Variants in PITRM1 observed in about 807,000 individuals in gnomAD.
PITRM1 encodes the protein presequence protease, mitochondrial.
A neutral mutation model predicts 129.9 loss-of-function variants in PITRM1; 100 were observed. The observed-to-expected ratio is 0.77, with a 90% confidence interval of 0.65 to 0.91. The LOEUF (loss-of-function observed/expected upper bound fraction) is 0.91. PITRM1 is among the 40% of genes least tolerant of loss of function. The pLI is 0.00. For synonymous variants in PITRM1, 591 were observed against 508.8 expected (o/e 1.16, Z -2.17); for missense variants, 1,471 against 1,318.3 (o/e 1.12, Z -1.79).
At position 3,167,010 on chromosome 10, in the gene PITRM1, T is replaced by C. The variant is rs1455396105; in HGVS notation, c.192A>G (p.Ala64=). The change falls in exon 3 of 27, where the codon GCA becomes GCG. Residue 64 remains alanine (A), a synonymous_variant. Transcript: ENST00000224949. ...VTSVPELFLT[A]VKLTHDDTGA... ...CTGTGTCATCATGGGTGAGCTTCAC[T>C]GCAGTCAGGAACAGCTCGGGAACAG... The C allele has an allele frequency of 3.1e-6, 5 of 1,610,068 alleles. No homozygotes were observed. In the African/African-American group the frequency reaches 5.3e-5, roughly 17 times the overall value.
chr10:3,153,161 AC>A (rs1841667578), intron 14 of PITRM1, among the ~76,000 whole-genome samples: 1 of 152,244 alleles, frequency 6.6e-6, no homozygotes, highest in African/African-American at 2.4e-5. Context: ...AAAGAGCTAC[AC>A]AGCGAGTGTG....
intron 14 of PITRM1, among the ~76,000 whole-genome samples, chr10:3,152,538 C>T (rs1436813786): frequency 6.6e-6 from 1 of 152,220 alleles, no homozygotes; most frequent in Non-Finnish European, 1.5e-5. Flanking sequence ...CCACTGTGGG[C>T]TCCAGCCCTT....
At chr10:3,172,482 G>GCCCGGCC (rs995181377) in intron 1 of PITRM1, among the ~76,000 whole-genome samples, 18 of 152,240 alleles carry the variant, frequency 1.2e-4, no homozygotes, top group Admixed American at 8.5e-4. Context: ...CCGCGGGCAG[G>GCCCGGCC]CCCGGCCCCC....
chr10:3,170,693 A>G (rs751201264), intron 1 of PITRM1, among the ~76,000 whole-genome samples: 5 of 152,232 alleles, frequency 3.3e-5, no homozygotes, highest in Non-Finnish European at 7.3e-5. Flanking sequence ...AGCACTTGGC[A>G]TTCTTTAGAA....
chr10:3,159,964 G>C, intron 8 of PITRM1, 28 bp from the exon 9 acceptor site: 1 of 1,496,020 alleles, frequency 6.7e-7, no homozygotes, highest in Non-Finnish European at 9.2e-7. Flanking sequence ...GTTGTGAGTA[G>C]GCACAGTGTC....
chr10:3,147,865 A>G, intron 18 of PITRM1, 122 bp downstream of exon 18: 2 of 1,175,220 alleles, frequency 1.7e-6, no homozygotes, highest in South Asian at 1.4e-5. Context: ...CATATGAACT[A>G]CAAGTAAAAG....
At position 3,147,694 on chromosome 10, in the gene PITRM1, T is replaced by C. The variant is rs751974834; in HGVS notation, c.2113A>G (p.Met705Val). The change falls in exon 19 of 27, where the codon ATG (methionine) becomes GTG (valine). Residue 705 changes from methionine to valine, a missense_variant. By Grantham distance (21) the Met-to-Val change is conservative. Transcript: ENST00000224949. ...CCATTGGCGAGCTCCTGGGCGGTCA[T>C]CTTCACCAGCACCTTGAAGTGCTCC... ...EEEHFKVLVK[M>V]TAQELANGIP... is the part of the protein sequence containing the mutation. 5.0e-6 allele frequency: 8 copies of C among 1,612,362 alleles called. No individual in the cohort carries two copies. The African/African-American group carries it at 1.1e-4, about 22-fold the overall frequency.
At position 3,147,977 on chromosome 10, in the gene PITRM1, A is replaced by T. The variant is rs1303650541; in HGVS notation, c.2069+10T>A. 1.9e-6 allele frequency: 3 copies of T among 1,600,972 alleles called. No homozygotes were observed. Among genetic ancestry groups the T allele is most frequent in the Non-Finnish European group, 2.6e-6 (3 of 1,167,940 alleles). On this transcript the variant is annotated intron_variant, in intron 18 of 26. Transcript: ENST00000224949. ...CCCCAAGAATGGACAACTCTTGCAA[A>T]TAAAGTTACTTGTTAAATATTTCAC...
At position 3,143,942 on chromosome 10, in the gene PITRM1, G is replaced by A. The variant is rs376246605; in HGVS notation, c.2532+350C>T. 4.1e-5 allele frequency: 21 copies of A among 513,328 alleles called. No individual in the cohort carries two copies. The East Asian group carries it at 5.9e-4, about 15-fold the overall frequency. 31.8% of individuals were successfully genotyped at this position (513,328 alleles called of 1,614,324 possible). ...AGTCGCGGAAAGGATCTGTCAGACC[G>A]CTCCACTGGCATCGACTCAGCTCGG... is the stretch of plus-strand genomic sequence containing the variant. On this transcript the variant is annotated intron_variant, in intron 22 of 26. Transcript: ENST00000224949.
At position 3,167,429 on chromosome 10, in the gene PITRM1, C is replaced by A. The variant is rs114631484; in HGVS notation, c.160-387G>T. ...CATATAATCCTGTGAGGGAGGTATTCTCATACTCATTTACAGACGAAAAAA... is the reference window on the plus strand; with the variant it reads ...CATATAATCCTGTGAGGGAGGTATTATCATACTCATTTACAGACGAAAAAA... On this transcript the variant is annotated intron_variant, in intron 2 of 26. Transcript: ENST00000224949. 2.0e-3 allele frequency among the ~76,000 whole-genome samples: 308 copies of A among 152,252 alleles called. 2 individuals are homozygous for A. The highest frequency in any genetic ancestry group is 7.2e-3 in the African/African-American group (299 of 41,550).
chr10:3,140,517 G>A (rs534455286), intron 24 of PITRM1, among the ~76,000 whole-genome samples, 170 bp downstream of exon 24: 22 of 152,288 alleles, frequency 1.4e-4, no homozygotes, highest in South Asian at 6.2e-4. Flanking sequence ...TAATCCTCGC[G>A]CCAGAAAGGA....
At chr10:3,154,887 C>T (rs1037519456) in intron 14 of PITRM1, among the ~76,000 whole-genome samples, 3 of 152,112 alleles carry the variant, frequency 2.0e-5, no homozygotes, top group Non-Finnish European at 4.4e-5. Context: ...TCTTTTCACT[C>T]CCACCATCCT....
At chr10:3,139,878 T>C (rs746017287) in intron 24 of PITRM1, among the ~76,000 whole-genome samples, 4 of 152,192 alleles carry the variant, frequency 2.6e-5, no homozygotes, top group Non-Finnish European at 4.4e-5. Context: ...AGCAAAGCCA[T>C]AGAAAATCAA....
intron 1 of PITRM1, among the ~76,000 whole-genome samples, chr10:3,171,513 G>A (rs1843356668): frequency 6.6e-6 from 1 of 152,106 alleles, no homozygotes; most frequent in African/African-American, 2.4e-5. Context: ...GTGCAATCTC[G>A]ACTCACTGCA....
At chr10:3,166,602 GCT>G (rs1322127440) in intron 3 of PITRM1, among the ~76,000 whole-genome samples, 1 of 152,164 alleles carries the variant, frequency 6.6e-6, no homozygotes, top group Non-Finnish European at 1.5e-5. Context: ...TTTTCAAGAT[GCT>G]CTGTCAATAA....
intron 22 of PITRM1, chr10:3,143,898 C>A: frequency 3.8e-6 from 2 of 526,424 alleles, no homozygotes; most frequent in South Asian, 1.7e-5. Context: ...CCAAACCAAA[C>A]AGCATCAGCA....
At chr10:3,145,760 A>G (rs1297828081) in intron 20 of PITRM1, 44 bp from the exon 21 acceptor site, 2 of 1,404,716 alleles carry the variant, frequency 1.4e-6, no homozygotes, top group Non-Finnish European at 2.0e-6. Flanking sequence ...GTTAGAAAAA[A>G]CAGTTTTAGT....
Position 3,138,697 on chromosome 10 carries a change from A to AG in PITRM1, c.2917+206dup, listed in dbSNP as rs1360152379. On this transcript the variant is annotated intron_variant, in intron 25 of 26. Transcript: ENST00000224949. Reference sequence around the variant, plus strand: ...CCATGGGTTGGCCCCACTGGGTCTCAGGTCAGTAAAACAAATGACAGGATG... The same window carrying AG: ...CCATGGGTTGGCCCCACTGGGTCTCAGGGTCAGTAAAACAAATGACAGGATG... The AG allele has an allele frequency of 1.2e-5, 8 of 686,850 alleles. No individual in the cohort carries two copies. The East Asian group carries it at 2.1e-4, about 18-fold the overall frequency. 42.5% of individuals were successfully genotyped at this position (686,850 alleles called of 1,614,324 possible). A position where few individuals can be genotyped will look rare whatever the true frequency, so the allele number is the denominator to read the frequency against.
At chr10:3,140,635 G>A (rs1840090850) in intron 24 of PITRM1, 52 bp downstream of exon 24, 6 of 1,516,952 alleles carry the variant, frequency 4.0e-6, no homozygotes, top group Non-Finnish European at 5.4e-6. Context: ...ATCATGAGTA[G>A]AAGACTAAAA....
Sources: gnomAD v4.1 joint callset for allele counts (sites outside exome capture counted in the v4.1 genomes callset) on GRCh38, gnomAD v4.1.1 for gene constraint, MANE v1.5 for transcripts, NCBI Gene and HGNC (gene_info 2026-07-23, HGNC 2026-07-21) for gene names.